The following ZNF711 variants were observed in gnomAD, a reference collection of about 807,000 sequenced individuals.
The protein encoded by ZNF711 is zinc finger protein 711.
A neutral mutation model predicts 43.5 loss-of-function variants in ZNF711; 3 were observed. That is an observed-to-expected ratio of 0.07 (90% confidence interval 0.03 to 0.18). The LOEUF is 0.18. Among genes scored for constraint, ZNF711 ranks in the 10% least tolerant of loss-of-function variants. ZNF711 has a pLI of 1.00. For missense variants in ZNF711, 412 were observed against 604.0 expected (o/e 0.68, Z 3.33); for synonymous variants, 209 against 207.7 (o/e 1.01, Z -0.06).
Position 85,255,376 on chromosome X carries a change from T to A in ZNF711, c.197T>A (p.Leu66His). ...TDDGITLDHG[L>H]AAEVVHGPDI... Reference sequence around the variant, plus strand: ...GATGGGATAACTCTTGATCATGGCCTTGCAGCTGAAGTTGTCCATGGACCT... The same window carrying A: ...GATGGGATAACTCTTGATCATGGCCATGCAGCTGAAGTTGTCCATGGACCT... The change falls in exon 5 of 11, where the codon CTT becomes CAT. Residue 66 changes from leucine to histidine, a missense_variant. Coordinates refer to ENST00000674551, the MANE Select transcript of ZNF711 (RefSeq NM_001330574.2). The A allele has an allele frequency of 1.7e-6, 2 of 1,211,716 alleles. No individual in the cohort carries two copies. Among genetic ancestry groups the A allele is most frequent in the South Asian group, 3.5e-5 (2 of 56,973 alleles).
At chrX:85,261,956 G>A (rs1055872872) in intron 5 of ZNF711, among the ~76,000 whole-genome samples, 4 of 110,561 alleles carry the variant, frequency 3.6e-5, no homozygotes, top group Non-Finnish European at 5.7e-5. Flanking sequence ...TGTTAATTTC[G>A]TACTTTCCAT....
chrX:85,258,778 T>G (rs936946520), intron 5 of ZNF711, among the ~76,000 whole-genome samples: 2 of 110,333 alleles, frequency 1.8e-5, no homozygotes, highest in African/African-American at 6.6e-5. Flanking sequence ...GCTTGCTGAT[T>G]TAAGTTCTTT....
intron 5 of ZNF711, among the ~76,000 whole-genome samples, chrX:85,260,161 T>C (rs1374658927): frequency 9.0e-6 from 1 of 111,529 alleles, no homozygotes; most frequent in Non-Finnish European, 1.9e-5. Flanking sequence ...CACATGGTTT[T>C]TGCTTGTAAT....
chrX:85,269,455 A>G (rs1385908502), intron 9 of ZNF711, among the ~76,000 whole-genome samples: 1 of 105,274 alleles, frequency 9.5e-6, no homozygotes, highest in African/African-American at 3.5e-5. Context: ...ATCATAGCTC[A>G]CTGCAACCTT....
chrX:85,252,843 T>C, intron 4 of ZNF711, among the ~76,000 whole-genome samples: 1 of 111,909 alleles, frequency 8.9e-6, no homozygotes, highest in South Asian at 3.7e-4. Flanking sequence ...AAAAACGCTG[T>C]TGAAAGCTCA....
intron 4 of ZNF711, among the ~76,000 whole-genome samples, chrX:85,250,888 A>G (rs1175748068): frequency 9.0e-6 from 1 of 111,142 alleles, no homozygotes; most frequent in African/African-American, 3.3e-5. Context: ...TCATTTTTGT[A>G]TGATATTTTG....
chrX:85,246,051 C>T (rs1362385372), intron 2 of ZNF711, 29 bp downstream of exon 2: 1 of 111,845 alleles, frequency 8.9e-6, no homozygotes, highest in Non-Finnish European at 1.9e-5. Flanking sequence ...ATTGTTTTAT[C>T]TTATTTAACA....
chrX:85,255,926 G>T, intron 5 of ZNF711, 125 bp downstream of exon 5: 1 of 646,304 alleles, frequency 1.5e-6, no homozygotes, highest in Non-Finnish European at 2.3e-6. Flanking sequence ...ATAATTTTTT[G>T]AAGCAGTGTC....
intron 6 of ZNF711, 40 bp from the exon 7 acceptor site, chrX:85,265,078 A>T: frequency 8.5e-7 from 1 of 1,170,726 alleles, no homozygotes; most frequent in Non-Finnish European, 1.2e-6. Context: ...TGGTTATTCC[A>T]TGATACTTCT....
chrX:85,252,323 G>A (rs757322855), intron 4 of ZNF711, among the ~76,000 whole-genome samples: 133 of 111,574 alleles, frequency 1.2e-3, no homozygotes, highest in African/African-American at 4.1e-3. Context: ...AAGTGAACTA[G>A]CACTGTTCCT....
intron 5 of ZNF711, among the ~76,000 whole-genome samples, chrX:85,262,287 A>G (rs1930725044): frequency 1.8e-5 from 2 of 110,876 alleles, no homozygotes; most frequent in Non-Finnish European, 3.8e-5. Context: ...ATGAACTTTA[A>G]TTTTGTGAAT....
At chrX:85,258,135 G>A (rs906663267) in intron 5 of ZNF711, among the ~76,000 whole-genome samples, 4 of 111,989 alleles carry the variant, frequency 3.6e-5, no homozygotes, top group Non-Finnish European at 7.5e-5. Flanking sequence ...GGAACCAGCC[G>A]GAATGCCCAT....
rs746530185 is a variant in ZNF711, at chrX:85,255,581, T to C, written c.402T>C (p.Val134=). The change falls in exon 5 of 11, where the codon GTT becomes GTC. Residue 134 remains valine, a synonymous_variant. Coordinates refer to ENST00000674551, the MANE Select transcript of ZNF711 (RefSeq NM_001330574.2). The stretch of plus-strand genomic sequence containing the variant: ...AGCAGGTTTTCGTGGCTGACCTTGT[T>C]ACTGGTCCTAATGGACACTTAGAAC... ...VPEQVFVADL[V]TGPNGHLEHV... 3 of 1,210,016 alleles carry C rather than the reference T, an allele frequency of 2.5e-6. No homozygotes were observed. The highest frequency in any genetic ancestry group is 5.9e-5 in the East Asian group (2 of 33,761).
In ZNF711 at chrX:85,272,057, A is replaced by C. The variant is rs1931613068; in HGVS notation, c.*229A>C. ...TAGAATGGTTACAGAAAAACTTCTT[A>C]AGTATCTGTGTAATAGTATTATATG... On this transcript the variant is annotated 3_prime_UTR_variant, in exon 11 of 11. Transcript: ENST00000674551. 1 of 407,555 alleles carries C rather than the reference A, an allele frequency of 2.5e-6. No individual in the cohort carries two copies. The highest frequency in any genetic ancestry group is 4.3e-6 in the Non-Finnish European group (1 of 234,765). The allele number at this position is 407,555 out of a possible 1,213,427, so 33.6% of individuals were successfully genotyped here.
Position 85,271,056 on chromosome X carries a change from A to G in ZNF711, c.1652A>G (p.His551Arg), listed in dbSNP as rs1266673501. Residue 551 changes from histidine (H) to arginine (R), a missense_variant, in exon 11 of 11, where the codon CAT (histidine) becomes CGT (arginine). Physicochemically the swap from His to Arg is conservative, Grantham distance 29. Around this residue, in one of 4 missense-constraint regions of ZNF711, gnomAD observed 375 missense variants for 514.2 expected, o/e 0.73. Transcript: ENST00000674551. ...GCCGTTCACAGCAAGAATTTTCCTC[A>G]TGTTTGTGTTGAGTGTGGGAAGGGT... ...LLAVHSKNFP[H>R]VCVECGKGFR... 3.3e-6 allele frequency: 4 copies of G among 1,209,430 alleles called. No individual in the cohort carries two copies. The highest frequency in any genetic ancestry group is 4.5e-6 in the Non-Finnish European group (4 of 894,995).
In ZNF711 at chrX:85,271,513, C is replaced by T. The variant is rs150030676; in HGVS notation, c.2109C>T (p.Ser703=). The T allele has an allele frequency of 9.9e-6, 12 of 1,209,457 alleles. No homozygotes were observed. Among genetic ancestry groups the T allele is most frequent in the Middle Eastern group, 4.6e-4 (2 of 4,348 alleles). Residue 703 remains serine, a synonymous_variant, in exon 11 of 11, where the codon TCC becomes TCT. Coordinates refer to ENST00000674551, the MANE Select transcript of ZNF711 (RefSeq NM_001330574.2). ...GCAGGCACTGTGACTTTAAAACATC[C>T]GATCCATTTATTCTTAGTGGCCATA... The part of the protein sequence containing the change: ...HQCRHCDFKT[S]DPFILSGHIL...
At position 85,265,245 on chromosome X, in the gene ZNF711, A is replaced by T. The variant is rs764662901; in HGVS notation, c.906A>T (p.Glu302Asp). 8.3e-7 allele frequency: 1 copy of T among 1,205,742 alleles called. No homozygotes were observed. Among genetic ancestry groups the T allele is most frequent in the Admixed American group, 2.2e-5 (1 of 45,399 alleles). ...YMAVKDSSQE[E>D]DDISCAEIAD... ...CAGTTAAAGATTCTTCTCAAGAAGA[A>T]GATGATATCAGTAAGAAAATAAGGG... The change falls in exon 7 of 11, where the codon GAA becomes GAT. Residue 302 changes from glutamate (E) to aspartate (D), a missense_variant. Glu to Asp is a conservative substitution (Grantham distance 45, BLOSUM62 2). This residue lies in a region of ZNF711 where 375 missense variants were observed against 514.2 expected (regional missense o/e 0.73). Coordinates refer to ENST00000674551, the MANE Select transcript of ZNF711 (RefSeq NM_001330574.2).
intron 8 of ZNF711, 119 bp from the exon 9 acceptor site, chrX:85,268,175 T>C (rs1346676732): frequency 1.1e-6 from 1 of 901,442 alleles, no homozygotes; most frequent in African/African-American, 2.0e-5. Context: ...CAATTTTTTT[T>C]AACCCAAGGA....
intron 3 of ZNF711, 35 bp from the exon 4 acceptor site, chrX:85,247,512 A>G: frequency 9.9e-7 from 1 of 1,006,430 alleles, no homozygotes; most frequent in Non-Finnish European, 1.4e-6. Flanking sequence ...TGGACTAAAT[A>G]TATTAAACTA....
Sources: gnomAD v4.1 joint callset for allele counts (sites outside exome capture counted in the v4.1 genomes callset) on GRCh38, gnomAD v4.1.1 for gene constraint, gnomAD v4.1.1 regional missense constraint, MANE v1.5 for transcripts, NCBI Gene and HGNC (gene_info 2026-07-23, HGNC 2026-07-21) for gene names.